The following SPATA22 variants were observed in gnomAD, a reference collection of about 807,000 sequenced individuals.
The protein encoded by SPATA22 is spermatogenesis-associated protein 22.
SPATA22 carries 29 observed loss-of-function variants against 47.8 expected under a neutral mutation model. The ratio of observed to expected loss-of-function variants is 0.61; its 90% CI spans 0.45 to 0.83. The LOEUF is 0.83. Among genes scored for constraint, SPATA22 ranks in the 40% least tolerant of loss-of-function variants. SPATA22 has a pLI of 0.00. For missense variants in SPATA22, 410 were observed against 421.7 expected (o/e 0.97, Z 0.24); for synonymous variants, 133 against 140.9 (o/e 0.94, Z 0.40).
chr17:3,462,376 T>C (rs1597402996), intron 5 of SPATA22, 107 bp downstream of exon 5: 1 of 752,664 alleles, frequency 1.3e-6, no homozygotes, highest in East Asian at 2.5e-5. Flanking sequence ...ATTTCCTAAA[T>C]GTAATTCTGT....
At chr17:3,463,483 T>A (rs1300196614) in intron 3 of SPATA22, among the ~76,000 whole-genome samples, 1 of 152,130 alleles carries the variant, frequency 6.6e-6, no homozygotes, top group African/African-American at 2.4e-5. Context: ...AGTAAAAATA[T>A]AATATAAAAG....
chr17:3,472,327 G>C (rs1234929549), upstream of SPATA22: 1 of 152,532 alleles, frequency 6.6e-6, no homozygotes, highest in Non-Finnish European at 1.5e-5. Flanking sequence ...CCGGGGCTGC[G>C]GGAGCTTGCG....
At chr17:3,463,855 A>C (rs888716960) in intron 3 of SPATA22, among the ~76,000 whole-genome samples, 3 of 151,888 alleles carry the variant, frequency 2.0e-5, no homozygotes, top group Admixed American at 2.0e-4. Flanking sequence ...TCAAAGATCG[A>C]TTATACCTCA....
intron 5 of SPATA22, among the ~76,000 whole-genome samples, chr17:3,456,713 C>T (rs369391607): frequency 6.6e-6 from 1 of 151,908 alleles, no homozygotes; most frequent in East Asian, 1.9e-4. Context: ...CCAGCATCAT[C>T]CCGATACCAA....
At chr17:3,453,467 C>G (rs1024035221) in intron 5 of SPATA22, among the ~76,000 whole-genome samples, 3 of 151,942 alleles carry the variant, frequency 2.0e-5, no homozygotes, top group African/African-American at 7.3e-5. Context: ...TCAGTTTACT[C>G]TAAAAAAAAT....
intron 1 of SPATA22, among the ~76,000 whole-genome samples, chr17:3,505,638 G>A (rs1353760539): frequency 6.6e-6 from 1 of 152,192 alleles, no homozygotes; most frequent in Non-Finnish European, 1.5e-5. Context: ...ACGGGTCATG[G>A]ATGTTCCAGG....
chr17:3,486,058 G>C (rs1338706939), intron 1 of SPATA22, among the ~76,000 whole-genome samples: 1 of 151,624 alleles, frequency 6.6e-6, no homozygotes, highest in East Asian at 1.9e-4. Context: ...TCAGCCTCCT[G>C]AGTAGCTGGG....
intron 1 of SPATA22, among the ~76,000 whole-genome samples, chr17:3,478,624 G>T (rs967680745): frequency 2.0e-5 from 3 of 152,196 alleles, no homozygotes; most frequent in African/African-American, 7.2e-5. Flanking sequence ...GCACCCAGTA[G>T]TATGCATTTC....
intron 1 of SPATA22, among the ~76,000 whole-genome samples, chr17:3,477,408 C>T (rs1224016434): frequency 6.6e-6 from 1 of 152,202 alleles, no homozygotes; most frequent in Non-Finnish European, 1.5e-5. Context: ...ATAGCTACCA[C>T]TGTGGATATA....
intron 1 of SPATA22, among the ~76,000 whole-genome samples, chr17:3,482,101 G>A (rs371956889): frequency 6.6e-6 from 1 of 152,118 alleles, no homozygotes; most frequent in East Asian, 1.9e-4. Context: ...ACCAGATGGT[G>A]GGGTATTTGT....
Position 3,513,825 on chromosome 17 carries a change from T to G in SPATA22, c.-487A>C, listed in dbSNP as rs886052852. On this transcript the variant is annotated 5_prime_UTR_variant, in exon 1 of 9. Coordinates refer to the SPATA22 transcript ENST00000541913. The stretch of plus-strand genomic sequence containing the variant: ...TGCTTCTAGGCCAGCAGAGCCGGAC[T>G]CCACCATCCCTCAAAGCCTCTCTGC... 13 of 1,099,656 alleles carry G rather than the reference T, an allele frequency of 1.2e-5. No individual in the cohort carries two copies. In the South Asian group the frequency reaches 1.7e-4, roughly 15 times the overall value. The allele number at this position is 1,099,656 out of a possible 1,614,324, so 68.1% of individuals were successfully genotyped here.
intron 5 of SPATA22, among the ~76,000 whole-genome samples, chr17:3,459,792 G>C (rs1042955139): frequency 3.3e-5 from 5 of 152,310 alleles, no homozygotes; most frequent in African/African-American, 9.6e-5. Context: ...ACTGTCAAGA[G>C]AGTGTTCCAG....
chr17:3,486,421 C>T (rs1236273816), intron 1 of SPATA22, among the ~76,000 whole-genome samples: 1 of 152,198 alleles, frequency 6.6e-6, no homozygotes, highest in Non-Finnish European at 1.5e-5. Flanking sequence ...ATCCTCTCTC[C>T]ACATCCCTCT....
chr17:3,457,281 A>G (rs1266657553), intron 5 of SPATA22, among the ~76,000 whole-genome samples: 4 of 152,104 alleles, frequency 2.6e-5, no homozygotes, highest in African/African-American at 9.6e-5. Flanking sequence ...AGACGACATG[A>G]TTGTATATCT....
At chr17:3,463,399 G>A (rs2073174943) in intron 3 of SPATA22, among the ~76,000 whole-genome samples, 1 of 152,120 alleles carries the variant, frequency 6.6e-6, no homozygotes, top group Admixed American at 6.5e-5. Flanking sequence ...ACATGTTACT[G>A]TACTCAATAC....
chr17:3,483,609 A>G, intron 1 of SPATA22: 1 of 1,573,990 alleles, frequency 6.4e-7, no homozygotes, highest in Non-Finnish European at 8.7e-7. Flanking sequence ...CATAGTTCCC[A>G]CTGTCATAAC....
upstream of SPATA22, among the ~76,000 whole-genome samples, chr17:3,476,578 G>C (rs757391645): frequency 5.9e-5 from 9 of 152,130 alleles, no homozygotes; most frequent in Non-Finnish European, 1.2e-4. Flanking sequence ...TATCTAAACT[G>C]GGCATTCACA....
intron 5 of SPATA22, among the ~76,000 whole-genome samples, chr17:3,452,079 A>G (rs1373270552): frequency 6.6e-6 from 1 of 152,012 alleles, no homozygotes; most frequent in Non-Finnish European, 1.5e-5. Context: ...GACAGAAACA[A>G]AACATAACAT....
chr17:3,463,105 T>C (rs1276796411), intron 3 of SPATA22, among the ~76,000 whole-genome samples: 1 of 152,204 alleles, frequency 6.6e-6, no homozygotes, highest in Non-Finnish European at 1.5e-5. Flanking sequence ...AAGAAATACA[T>C]CATAACTCAG....
Sources: allele counts gnomAD v4.1 joint callset (sites outside exome capture counted in the v4.1 genomes callset), GRCh38; gene constraint gnomAD v4.1.1; transcripts MANE v1.5; gene names NCBI Gene and HGNC (gene_info 2026-07-23, HGNC 2026-07-21).